SMYD3: variants seen among roughly 807,000 people sequenced by gnomAD.
SMYD3 encodes the protein histone-lysine N-methyltransferase SMYD3.
A neutral mutation model predicts 57.7 loss-of-function variants in SMYD3; 36 were observed. That is an observed-to-expected ratio of 0.62 (90% CI 0.48 to 0.82). SMYD3 has a LOEUF of 0.82. Among genes scored for constraint, SMYD3 ranks in the 40% least tolerant of loss-of-function variants. The pLI, the probability that SMYD3 is intolerant of heterozygous loss-of-function variation, is 0.00. For synonymous variants in SMYD3, 211 were observed against 195.0 expected (o/e 1.08, Z -0.68); for missense variants, 515 against 538.8 (o/e 0.96, Z 0.44).
At chr1:246,303,316 T>A (rs937893669) in intron 5 of SMYD3, among the ~76,000 whole-genome samples, 2 of 152,148 alleles carry the variant, frequency 1.3e-5, no homozygotes, top group Non-Finnish European at 2.9e-5. Context: ...ACACTCTGTA[T>A]AATAAATGAG....
intron 1 of SMYD3, among the ~76,000 whole-genome samples, chr1:246,459,918 CAA>C (rs35958617): frequency 0.28 from 25,012 of 88,220 alleles, 2,069 homozygotes; most frequent in African/African-American, 0.32. Context: ...TTCCGCCACC[CAA>C]AAAAAAAAAA....
intron 5 of SMYD3, among the ~76,000 whole-genome samples, chr1:246,171,789 T>C (rs1444889340): frequency 2.0e-5 from 3 of 152,298 alleles, no homozygotes; most frequent in Admixed American, 1.3e-4. Context: ...GGTGGGGGAA[T>C]TGCTTGAGGC....
chr1:245,926,660 T>C (rs1397678993), intron 7 of SMYD3, among the ~76,000 whole-genome samples: 3 of 152,096 alleles, frequency 2.0e-5, no homozygotes, highest in Non-Finnish European at 4.4e-5. Context: ...CCTAGGAAAA[T>C]AGAAGAAACT....
intron 5 of SMYD3, among the ~76,000 whole-genome samples, chr1:246,011,192 T>C (rs1350107952): frequency 1.3e-5 from 2 of 152,134 alleles, no homozygotes; most frequent in Non-Finnish European, 2.9e-5. Flanking sequence ...ATTTCATAGA[T>C]GGGGAAATCA....
chr1:246,159,593 G>A (rs892574315), intron 5 of SMYD3, among the ~76,000 whole-genome samples: 5 of 152,208 alleles, frequency 3.3e-5, no homozygotes, highest in Admixed American at 3.3e-4. Context: ...TCTGTTAGCA[G>A]GAAGAAAGCA....
chr1:246,201,513 C>T (rs2062922995), intron 5 of SMYD3, among the ~76,000 whole-genome samples: 1 of 152,086 alleles, frequency 6.6e-6, no homozygotes, highest in South Asian at 2.1e-4. Context: ...AAAAACATGG[C>T]AGTACCAGCT....
intron 10 of SMYD3, among the ~76,000 whole-genome samples, chr1:245,787,987 T>C (rs2047114313): frequency 6.6e-6 from 1 of 152,174 alleles, no homozygotes. Context: ...GGGAAGCAAA[T>C]GCAAGATGCA....
At chr1:246,087,820 C>T (rs1210543076) in intron 5 of SMYD3, among the ~76,000 whole-genome samples, 1 of 152,156 alleles carries the variant, frequency 6.6e-6, no homozygotes, top group African/African-American at 2.4e-5. Context: ...TGAAGACTTA[C>T]GCGGACTGAA....
At chr1:245,990,370 T>C (rs1471810871) in intron 5 of SMYD3, among the ~76,000 whole-genome samples, 1 of 152,226 alleles carries the variant, frequency 6.6e-6, no homozygotes, top group African/African-American at 2.4e-5. Context: ...ATTATAGGCA[T>C]GAGCCACCAT....
intron 5 of SMYD3, among the ~76,000 whole-genome samples, chr1:245,995,755 C>T (rs2058917722): frequency 1.3e-5 from 2 of 152,160 alleles, no homozygotes; most frequent in Admixed American, 6.5e-5. Context: ...AGCACAACTT[C>T]CCCAGGAGGG....
At chr1:246,394,584 G>A (rs1348449959) in intron 1 of SMYD3, among the ~76,000 whole-genome samples, 1 of 152,182 alleles carries the variant, frequency 6.6e-6, no homozygotes, top group Non-Finnish European at 1.5e-5. Context: ...CCAATATCAG[G>A]CTCTTAAGTC....
Position 246,355,734 on chromosome 1 carries a change from G to A in SMYD3, c.165-640C>T, listed in dbSNP as rs1157338607. Among the ~76,000 whole-genome samples the A allele has an allele frequency of 6.6e-6, 1 of 152,068 alleles. No individual in the cohort carries two copies. Among genetic ancestry groups the A allele is most frequent in the Admixed American group, 6.6e-5 (1 of 15,266 alleles). ...GCAGAAGCAGCCATAATCACCCTGGGAACATAACTCCATTAGACTGAAAAC... is the reference window on the plus strand; with the variant it reads ...GCAGAAGCAGCCATAATCACCCTGGAAACATAACTCCATTAGACTGAAAAC... On this transcript the variant is annotated intron_variant, in intron 1 of 11. Transcript: ENST00000490107. The surrounding 1 kb of genome is among the most constrained non-coding windows in gnomAD (Gnocchi z 5.0).
At chr1:246,163,566 C>CT (rs971062057) in intron 5 of SMYD3, among the ~76,000 whole-genome samples, 6 of 151,632 alleles carry the variant, frequency 4.0e-5, no homozygotes, top group East Asian at 3.9e-4. Context: ...CTGGTTGATT[C>CT]TTTTTTTTTC....
intron 5 of SMYD3, among the ~76,000 whole-genome samples, chr1:246,253,465 C>CCA (rs1304570842): frequency 2.0e-5 from 3 of 152,176 alleles, no homozygotes; most frequent in African/African-American, 7.2e-5. Flanking sequence ...TTTCTTAAGG[C>CCA]CACATTGTAT....
rs2068362984 is a variant in SMYD3, at chr1:246,496,327, C to CAT, written c.164+10726_164+10727insAT. Among the ~76,000 whole-genome samples, 4 of 152,160 alleles carry CAT rather than the reference C, an allele frequency of 2.6e-5. No individual in the cohort carries two copies. The East Asian group carries it at 7.8e-4, about 30-fold the overall frequency. On this transcript the variant is annotated intron_variant, in intron 1 of 11. Coordinates refer to ENST00000490107, the MANE Select transcript of SMYD3 (RefSeq NM_001167740.2). The stretch of plus-strand genomic sequence containing the variant: ...GGGATTACAGGCGTGAGCCACCACG[C>CAT]CTGGCCAGTTTCTTGATTTTTTTCA...
chr1:245,929,412 G>C lies in SMYD3; in HGVS notation c.599+458C>G, dbSNP rs764028260. 3.9e-5 allele frequency among the ~76,000 whole-genome samples: 6 copies of C among 152,254 alleles called. No homozygotes were observed. The East Asian group carries it at 1.2e-3, about 29-fold the overall frequency. ...GTCAGCTCAGCAATAGCTGGAGAGA[G>C]CATTCAGGGGCCAAAGCCTGAGAGT... On this transcript the variant is annotated intron_variant, in intron 6 of 11. Transcript: ENST00000490107.
intron 5 of SMYD3, among the ~76,000 whole-genome samples, chr1:246,200,855 A>T (rs2062912324): frequency 6.6e-6 from 1 of 152,320 alleles, no homozygotes; most frequent in South Asian, 2.1e-4. Context: ...TAAAGTCATG[A>T]TATCAAACCT....
intron 5 of SMYD3, among the ~76,000 whole-genome samples, chr1:246,275,927 A>G (rs2064322414): frequency 6.6e-6 from 1 of 151,646 alleles, no homozygotes; most frequent in Non-Finnish European, 1.5e-5. Context: ...CCCATGTTTG[A>G]ATACTAACTC....
At chr1:245,936,040 C>G (rs916898188) in intron 5 of SMYD3, among the ~76,000 whole-genome samples, 1 of 151,938 alleles carries the variant, frequency 6.6e-6, no homozygotes, top group African/African-American at 2.4e-5. Flanking sequence ...AATGCCTCAC[C>G]GTAAAAAATG....
Sources: allele counts gnomAD v4.1 joint callset (sites outside exome capture counted in the v4.1 genomes callset), GRCh38; gene constraint gnomAD v4.1.1; non-coding constraint Gnocchi (gnomAD v3.1); transcripts MANE v1.5; gene names NCBI Gene and HGNC (gene_info 2026-07-23, HGNC 2026-07-21).